CDKAL1: variants seen among roughly 807,000 people sequenced by gnomAD.
The protein encoded by CDKAL1 is CDKAL1 threonylcarbamoyladenosine tRNA methylthiotransferase.
CDKAL1 carries 32 observed loss-of-function variants against 68.2 expected under a neutral mutation model. That is an observed-to-expected ratio of 0.47 (90% CI 0.35 to 0.63). The LOEUF is 0.63. CDKAL1 is among the 30% of genes least tolerant of loss of function. CDKAL1 has a pLI of 0.00. For synonymous variants in CDKAL1, 234 were observed against 244.3 expected, an observed-to-expected ratio of 0.96 and a Z score of 0.39; for missense variants, 606 against 696.7, an observed-to-expected ratio of 0.87 and a Z score of 1.47.
At chr6:21,085,623 C>T (rs930410523) in intron 12 of CDKAL1, among the ~76,000 whole-genome samples, 7 of 152,084 alleles carry the variant, frequency 4.6e-5, no homozygotes, top group Admixed American at 2.6e-4. Flanking sequence ...AGAAAGTGAT[C>T]GCAGTACAGT....
chr6:21,200,732 G>A (rs1778654633), intron 14 of CDKAL1: 1 of 160,672 alleles, frequency 6.2e-6, no homozygotes, highest in Non-Finnish European at 1.4e-5. Context: ...TCCTGCACTG[G>A]AAAAGCACTG....
At chr6:21,024,718 A>AG (rs1768867934) in intron 11 of CDKAL1, among the ~76,000 whole-genome samples, 1 of 152,200 alleles carries the variant, frequency 6.6e-6, no homozygotes, top group Admixed American at 6.5e-5. Flanking sequence ...CGGGGAACAC[A>AG]GCTGTTCCTG....
At chr6:20,896,098 C>CTTTTTTTTTTT (rs1291895133) in intron 9 of CDKAL1, among the ~76,000 whole-genome samples, 45 of 104,114 alleles carry the variant, frequency 4.3e-4, no homozygotes, top group African/African-American at 9.0e-4. Context: ...CTTTTCTTTT[C>CTTTTTTTTTTT]TTTTCTTTTT....
At chr6:21,205,553 C>G (rs2151112488) in intron 15 of CDKAL1, among the ~76,000 whole-genome samples, 1 of 150,916 alleles carries the variant, frequency 6.6e-6, no homozygotes, top group Non-Finnish European at 1.5e-5. Flanking sequence ...TTTTTTGAGA[C>G]AGAGTCTCGC....
At chr6:21,135,780 C>T (rs1775562003) in intron 13 of CDKAL1, 2 of 789,436 alleles carry the variant, frequency 2.5e-6, no homozygotes, top group Non-Finnish European at 3.1e-6. Context: ...AGACAGCTTT[C>T]AAGAGGCCAG....
intron 13 of CDKAL1, among the ~76,000 whole-genome samples, chr6:21,152,446 C>G (rs1776455233): frequency 6.6e-6 from 1 of 152,178 alleles, no homozygotes; most frequent in Non-Finnish European, 1.5e-5. Context: ...GATGAAGTTC[C>G]TTCTCTAAAG....
intron 12 of CDKAL1, among the ~76,000 whole-genome samples, chr6:21,075,462 C>A (rs1377904351): frequency 1.3e-5 from 2 of 151,926 alleles, no homozygotes; most frequent in East Asian, 1.9e-4. Context: ...GAGATGAATT[C>A]TTCGCCTTGA....
At chr6:20,796,390 G>A (rs992833381) in intron 8 of CDKAL1, among the ~76,000 whole-genome samples, 18 of 152,164 alleles carry the variant, frequency 1.2e-4, no homozygotes, top group Non-Finnish European at 1.5e-4. Flanking sequence ...GGAAGATTCA[G>A]TATAGTAAAT....
At chr6:21,138,927 G>C (rs887476332) in intron 13 of CDKAL1, among the ~76,000 whole-genome samples, 1 of 152,162 alleles carries the variant, frequency 6.6e-6, no homozygotes, top group Non-Finnish European at 1.5e-5. Context: ...CCTTCTTGCT[G>C]CTTATGGACT....
chr6:20,842,689 G>A (rs1313101669), intron 8 of CDKAL1, among the ~76,000 whole-genome samples: 1 of 152,110 alleles, frequency 6.6e-6, no homozygotes, highest in Non-Finnish European at 1.5e-5. Context: ...AAATTAGCCA[G>A]GCGTAGTGGC....
In CDKAL1 at chr6:21,037,885, C is replaced by T. The variant is rs898753208; in HGVS notation, c.1056-27163C>T. Among the ~76,000 whole-genome samples the T allele has an allele frequency of 5.9e-5, 9 of 152,274 alleles. No individual in the cohort carries two copies. In the East Asian group the frequency reaches 1.5e-3, roughly 26 times the overall value. Reference sequence around the variant, plus strand: ...TACAGATAAAAGTTGACAATCAGATCTCAATAAATATTATTTATGGAATTT... The same window carrying T: ...TACAGATAAAAGTTGACAATCAGATTTCAATAAATATTATTTATGGAATTT... On this transcript the variant is annotated intron_variant, in intron 11 of 15. Transcript: ENST00000274695.
intron 11 of CDKAL1, among the ~76,000 whole-genome samples, chr6:21,024,377 G>A (rs1768842390): frequency 6.6e-6 from 1 of 152,116 alleles, no homozygotes; most frequent in Non-Finnish European, 1.5e-5. Context: ...GCCAGGCATG[G>A]TGGCTCACAC....
At chr6:20,895,572 A>T (rs1179252668) in intron 9 of CDKAL1, among the ~76,000 whole-genome samples, 1 of 152,242 alleles carries the variant, frequency 6.6e-6, no homozygotes, top group African/African-American at 2.4e-5. Flanking sequence ...AAAGATGGAC[A>T]TGAATACAGA....
intron 15 of CDKAL1, among the ~76,000 whole-genome samples, chr6:21,229,408 C>T (rs1159391260): frequency 6.6e-6 from 1 of 152,158 alleles, no homozygotes; most frequent in Non-Finnish European, 1.5e-5. Flanking sequence ...GATTTTCTAC[C>T]CCATTCTCCT....
intron 12 of CDKAL1, among the ~76,000 whole-genome samples, chr6:21,098,625 C>T (rs1055171653): frequency 6.9e-5 from 10 of 145,644 alleles, no homozygotes; most frequent in Admixed American, 1.4e-4. Context: ...ATCCAGATGA[C>T]CAAGACATGG....
intron 13 of CDKAL1, among the ~76,000 whole-genome samples, chr6:21,114,104 C>T (rs922385204): frequency 1.3e-5 from 2 of 151,768 alleles, no homozygotes; most frequent in Non-Finnish European, 2.9e-5. Flanking sequence ...AAAAATTAGC[C>T]GGGCGTGGTG....
chr6:21,142,811 G>A (rs1176546263), intron 13 of CDKAL1, among the ~76,000 whole-genome samples: 2 of 152,244 alleles, frequency 1.3e-5, no homozygotes, highest in Non-Finnish European at 2.9e-5. Context: ...ATTATTGGAA[G>A]AAGTTGAAGA....
intron 13 of CDKAL1, among the ~76,000 whole-genome samples, chr6:21,158,709 G>A (rs1383589241): frequency 6.6e-6 from 1 of 152,226 alleles, no homozygotes; most frequent in East Asian, 1.9e-4. Flanking sequence ...AATAGACAGT[G>A]TAAGTCTAGA....
chr6:20,852,803 A>C (rs1447732935), intron 9 of CDKAL1, among the ~76,000 whole-genome samples: 2 of 152,206 alleles, frequency 1.3e-5, no homozygotes, highest in Non-Finnish European at 2.9e-5. Flanking sequence ...GAGGCAGACC[A>C]CCGTGGTTGA....
Sources: gnomAD v4.1 joint callset for allele counts (sites outside exome capture counted in the v4.1 genomes callset) on GRCh38, gnomAD v4.1.1 for gene constraint, MANE v1.5 for transcripts, NCBI Gene and HGNC (gene_info 2026-07-23, HGNC 2026-07-21) for gene names.